The following RABGAP1L variants were observed in gnomAD, a reference collection of about 807,000 sequenced individuals.
The protein encoded by RABGAP1L is RAB GTPase activating protein 1 like, also known as rab GTPase-activating protein 1-like.
RABGAP1L carries 63 observed loss-of-function variants against 137.7 expected under a neutral mutation model. The observed-to-expected ratio is 0.46, with a 90% confidence interval of 0.37 to 0.56. RABGAP1L has a LOEUF of 0.56. Ranked by LOEUF, RABGAP1L falls within the 20% of genes least tolerant of loss-of-function variation. The pLI is 0.00. For missense variants in RABGAP1L, 1,095 were observed against 1,244.0 expected, an observed-to-expected ratio of 0.88 and a Z score of 1.80; for synonymous variants, 431 against 433.7, an observed-to-expected ratio of 0.99 and a Z score of 0.08.
intron 11 of RABGAP1L, among the ~76,000 whole-genome samples, chr1:174,366,376 C>A (rs1270040677): frequency 6.6e-6 from 1 of 152,156 alleles, no homozygotes; most frequent in Non-Finnish European, 1.5e-5. Flanking sequence ...ACCTTCTCCT[C>A]CAAGGCCCTA....
At chr1:174,873,534 A>G (rs972342010) in intron 19 of RABGAP1L, among the ~76,000 whole-genome samples, 3 of 132,244 alleles carry the variant, frequency 2.3e-5, no homozygotes, top group Non-Finnish European at 3.2e-5. Flanking sequence ...TTTTTCCGAG[A>G]TGGAATTCTC....
At chr1:174,561,168 G>C (rs1667186997) in intron 13 of RABGAP1L, among the ~76,000 whole-genome samples, 1 of 152,172 alleles carries the variant, frequency 6.6e-6, no homozygotes, top group Non-Finnish European at 1.5e-5. Flanking sequence ...CTTCAGCAAA[G>C]TCTCAGGATA....
intron 16 of RABGAP1L, among the ~76,000 whole-genome samples, chr1:174,701,734 C>T (rs1169689683): frequency 3.0e-5 from 4 of 132,988 alleles, no homozygotes; most frequent in East Asian, 2.2e-4. Flanking sequence ...CAGAGCAAGA[C>T]TCTTATCTCA....
In RABGAP1L at chr1:174,833,449, G is replaced by GATATATATATATATATATAT. The variant is rs760181639; in HGVS notation, c.2340+21508_2340+21509insTATATATATATATATATATA. ...ATATATATATGTGTGTGTGTGTAGA[G>GATATATATATATATATATAT]ATATATATATATATATATAGTAGAG... is the stretch of plus-strand genomic sequence containing the variant. On this transcript the variant is annotated intron_variant, in intron 19 of 25. Transcript: ENST00000681986. Among the ~76,000 whole-genome samples, 155 of 27,796 alleles carry GATATATATATATATATATAT rather than the reference G, an allele frequency of 5.6e-3. 32 individuals carry two copies. The highest frequency in any genetic ancestry group is 0.021 in the South Asian group (5 of 238). 18.2% of individuals were successfully genotyped at this position (27,796 alleles called of 152,430 possible).
At chr1:174,751,590 G>T (rs1319714933) in intron 17 of RABGAP1L, among the ~76,000 whole-genome samples, 1 of 152,122 alleles carries the variant, frequency 6.6e-6, no homozygotes, top group Non-Finnish European at 1.5e-5. Context: ...TCTATCTTTT[G>T]AATTTAATAA....
At chr1:174,358,754 C>G (rs937100229) in intron 11 of RABGAP1L, among the ~76,000 whole-genome samples, 1 of 152,140 alleles carries the variant, frequency 6.6e-6, no homozygotes, top group African/African-American at 2.4e-5. Flanking sequence ...TCATTTATTT[C>G]CAAGGCATAC....
At chr1:174,773,255 G>A (rs1441329589) in intron 18 of RABGAP1L, among the ~76,000 whole-genome samples, 1 of 151,902 alleles carries the variant, frequency 6.6e-6, no homozygotes, top group Non-Finnish European at 1.5e-5. Context: ...CCCAGGCATG[G>A]CGACATATGC....
At chr1:174,506,872 G>A (rs1212794880) in intron 13 of RABGAP1L, among the ~76,000 whole-genome samples, 1 of 152,086 alleles carries the variant, frequency 6.6e-6, no homozygotes, top group African/African-American at 2.4e-5. Context: ...ACTTTGAAAG[G>A]CCAATGTGGT....
chr1:174,973,885 T>A (rs1574051927), intron 21 of RABGAP1L, among the ~76,000 whole-genome samples: 1 of 151,962 alleles, frequency 6.6e-6, no homozygotes, highest in East Asian at 1.9e-4. Flanking sequence ...GCTCAAACAT[T>A]CTGGGGTAGA....
rs950773029 is a variant in RABGAP1L, at chr1:174,991,438, A to C, written c.*1437A>C. ...TCATCTGTGCCATATTTTGCAATTA[A>C]AAGTAACACACCCTTAGAAGAATCA... On this transcript the variant is annotated 3_prime_UTR_variant, in exon 26 of 26. Coordinates refer to ENST00000681986, the MANE Select transcript of RABGAP1L (RefSeq NM_001366446.1). 1 of 152,202 alleles carries C rather than the reference A, an allele frequency of 6.6e-6. No homozygotes were observed. The highest frequency in any genetic ancestry group is 1.5e-5 in the Non-Finnish European group (1 of 68,012). The allele number at this position is 152,202 out of a possible 1,614,324, so 9.4% of individuals were successfully genotyped here.
chr1:174,306,099 A>C (rs1245952345), intron 11 of RABGAP1L, among the ~76,000 whole-genome samples: 3 of 152,110 alleles, frequency 2.0e-5, no homozygotes, highest in Non-Finnish European at 2.9e-5. Context: ...TGAACTCATC[A>C]TTTTTTATGG....
intron 15 of RABGAP1L, among the ~76,000 whole-genome samples, chr1:174,689,113 A>G (rs1678685232): frequency 6.6e-6 from 1 of 152,114 alleles, no homozygotes; most frequent in Admixed American, 6.5e-5. Flanking sequence ...TCAAGTATTA[A>G]TTAAAGTGTA....
Position 174,256,242 on chromosome 1 carries a change from A to G in RABGAP1L, c.986+3652A>G, listed in dbSNP as rs1378818347. 3.3e-5 allele frequency among the ~76,000 whole-genome samples: 5 copies of G among 152,186 alleles called. No homozygotes were observed. The South Asian group carries it at 1.0e-3, about 32-fold the overall frequency. On this transcript the variant is annotated intron_variant, in intron 7 of 25. Transcript: ENST00000681986. Reference sequence around the variant, plus strand: ...CCATTTTTCCTCTTTTTAATATAACATTGCCCATTTTTGGCTTTGTTTAAT... The same window carrying G: ...CCATTTTTCCTCTTTTTAATATAACGTTGCCCATTTTTGGCTTTGTTTAAT...
chr1:174,978,991 C>A, intron 23 of RABGAP1L, 101 bp downstream of exon 23: 1 of 1,346,534 alleles, frequency 7.4e-7, no homozygotes, highest in Non-Finnish European at 9.6e-7. Context: ...CTAGCCTGAG[C>A]AACATAGCAG....
intron 15 of RABGAP1L, among the ~76,000 whole-genome samples, chr1:174,688,468 T>A (rs576588672): frequency 3.8e-4 from 58 of 152,162 alleles, no homozygotes; most frequent in African/African-American, 5.8e-4. Flanking sequence ...TGAATTTTTT[T>A]AAAAAAACTA....
chr1:174,632,472 A>G (rs1673488984), intron 13 of RABGAP1L, among the ~76,000 whole-genome samples: 1 of 149,128 alleles, frequency 6.7e-6, no homozygotes. Context: ...CTCCTGGATA[A>G]TATCCTGCAG....
chr1:174,724,339 C>T (rs1357191837), intron 17 of RABGAP1L, among the ~76,000 whole-genome samples: 1 of 152,130 alleles, frequency 6.6e-6, no homozygotes, highest in African/African-American at 2.4e-5. Flanking sequence ...TCTAAAAAGA[C>T]TCATGAGTAA....
intron 13 of RABGAP1L, among the ~76,000 whole-genome samples, chr1:174,493,639 G>A (rs1044693918): frequency 3.3e-5 from 5 of 151,626 alleles, no homozygotes; most frequent in Non-Finnish European, 7.4e-5. Context: ...GGGCAACATG[G>A]CAAAACTTTG....
intron 22 of RABGAP1L, among the ~76,000 whole-genome samples, chr1:174,977,589 G>T (rs1331792271): frequency 6.6e-6 from 1 of 152,122 alleles, no homozygotes; most frequent in East Asian, 1.9e-4. Context: ...TCCCCTCCAT[G>T]TGCATCTGTG....
Sources: allele counts gnomAD v4.1 joint callset (sites outside exome capture counted in the v4.1 genomes callset), GRCh38; gene constraint gnomAD v4.1.1; transcripts MANE v1.5; gene names NCBI Gene and HGNC (gene_info 2026-07-23, HGNC 2026-07-21).